Variants in SLIT3 observed in about 807,000 individuals in gnomAD.
The protein encoded by SLIT3 is slit homolog 3 protein.
SLIT3 carries 68 observed loss-of-function variants against 184.0 expected under a neutral mutation model. The observed-to-expected ratio is 0.37, with a 90% CI of 0.30 to 0.45. SLIT3 has a LOEUF of 0.45. SLIT3 is among the 20% of genes least tolerant of loss of function. The pLI, the probability that SLIT3 is intolerant of heterozygous loss-of-function variation, is 1.00. For missense variants in SLIT3, 1,707 were observed against 2,026.0 expected (o/e 0.84, Z 3.02); for synonymous variants, 831 against 828.6 (o/e 1.00, Z -0.05).
rs772426204 is a variant in SLIT3, at chr5:168,692,689, C to T, written c.3094G>A (p.Asp1032Asn). 14 of 1,613,728 alleles carry T rather than the reference C, an allele frequency of 8.7e-6. No homozygotes were observed. The highest frequency in any genetic ancestry group is 5.3e-5 in the African/African-American group (4 of 74,930). ...CPPNYTGELC[D>N]EVIDHCVPEL... ...GGCACACAGTGGTCAATCACCTCGT[C>T]GCATAGCTCACCTGGCACAGATGGG... The change falls in exon 29 of 36, where the codon GAC becomes AAC. Residue 1032 changes from aspartate to asparagine, a missense_variant. Coordinates refer to ENST00000519560, the MANE Select transcript of SLIT3 (RefSeq NM_003062.4).
chr5:169,294,448 G>T (rs888119027), intron 1 of SLIT3, among the ~76,000 whole-genome samples: 3 of 151,404 alleles, frequency 2.0e-5, no homozygotes, highest in Non-Finnish European at 4.4e-5. Context: ...TGTGGGGGCA[G>T]GACCAAGAGC....
chr5:168,848,557 A>G (rs1204159654), intron 5 of SLIT3, among the ~76,000 whole-genome samples: 1 of 152,156 alleles, frequency 6.6e-6, no homozygotes, highest in Non-Finnish European at 1.5e-5. Context: ...AGAAGCCCCA[A>G]AATGTTTCAT....
intron 4 of SLIT3, among the ~76,000 whole-genome samples, chr5:168,982,593 A>T (rs917517058): frequency 6.6e-6 from 1 of 152,206 alleles, no homozygotes; most frequent in African/African-American, 2.4e-5. Flanking sequence ...GTATTTTACA[A>T]ATGTATTAGT....
chr5:169,205,825 C>A (rs1764049526), intron 3 of SLIT3, among the ~76,000 whole-genome samples: 1 of 152,220 alleles, frequency 6.6e-6, no homozygotes, highest in Non-Finnish European at 1.5e-5. Context: ...GGTTACTGAA[C>A]AGTCACAATC....
At chr5:169,034,873 A>G (rs1757170979) in intron 4 of SLIT3, among the ~76,000 whole-genome samples, 1 of 149,628 alleles carries the variant, frequency 6.7e-6, no homozygotes, top group Non-Finnish European at 1.5e-5. Flanking sequence ...CAGCCCCTTA[A>G]GTAGCTGGGA....
rs533754507 is a variant in SLIT3 at position 169,188,307 on chromosome 5, A to G, written c.413+5172T>C. Among the ~76,000 whole-genome samples the G allele has an allele frequency of 6.6e-5, 10 of 152,272 alleles. No homozygotes were observed. The South Asian group carries it at 2.1e-3, about 32-fold the overall frequency. ...CTGCATCTTGCCTTCTGCTCCTTCT[A>G]AAGAATTTCCGGCAATATTAACCAG... On this transcript the variant is annotated intron_variant, in intron 4 of 35. Coordinates refer to ENST00000519560, the MANE Select transcript of SLIT3 (RefSeq NM_003062.4).
chr5:169,276,045 C>T lies in SLIT3; in HGVS notation c.197+24468G>A, dbSNP rs146985298. Among the ~76,000 whole-genome samples the T allele has an allele frequency of 2.8e-3, 429 of 152,098 alleles. 3 individuals carry two copies. The highest frequency in any genetic ancestry group is 9.8e-3 in the African/African-American group (405 of 41,490). Reference sequence around the variant, plus strand: ...GGTAGGATGGGTCGGGGGAGTGACGCGAAGTCTTGCCTCCTCAATCCAAAA... The same window carrying T: ...GGTAGGATGGGTCGGGGGAGTGACGTGAAGTCTTGCCTCCTCAATCCAAAA... On this transcript the variant is annotated intron_variant, in intron 1 of 35. Transcript: ENST00000519560.
chr5:169,044,162 C>A (rs1376915287), intron 4 of SLIT3, among the ~76,000 whole-genome samples: 4 of 152,154 alleles, frequency 2.6e-5, no homozygotes, highest in African/African-American at 9.7e-5. Flanking sequence ...GGATGTGGAC[C>A]AACTGAAACA....
At chr5:169,180,082 A>G (rs1763109794) in intron 4 of SLIT3, among the ~76,000 whole-genome samples, 1 of 152,182 alleles carries the variant, frequency 6.6e-6, no homozygotes, top group Non-Finnish European at 1.5e-5. Flanking sequence ...ACAGTGACCA[A>G]TGAGGAAGGG....
At chr5:168,821,207 G>A (rs550263791) in intron 7 of SLIT3, among the ~76,000 whole-genome samples, 1 of 152,306 alleles carries the variant, frequency 6.6e-6, no homozygotes, top group African/African-American at 2.4e-5. Context: ...CCCTACTGCA[G>A]CCCAAACAAA....
At chr5:168,763,186 G>A (rs1755220652) in intron 14 of SLIT3, among the ~76,000 whole-genome samples, 1 of 152,068 alleles carries the variant, frequency 6.6e-6, no homozygotes, top group Non-Finnish European at 1.5e-5. Flanking sequence ...GGAAGGGGTT[G>A]CAAACTTAGG....
At chr5:168,931,360 C>T (rs1243439934) in intron 4 of SLIT3, among the ~76,000 whole-genome samples, 3 of 152,180 alleles carry the variant, frequency 2.0e-5, no homozygotes, top group Admixed American at 6.5e-5. Flanking sequence ...AGTTGACTGA[C>T]TGATCTTTCT....
chr5:168,900,560 A>G (rs1303625566), intron 4 of SLIT3, among the ~76,000 whole-genome samples: 1 of 152,210 alleles, frequency 6.6e-6, no homozygotes, highest in Non-Finnish European at 1.5e-5. Context: ...GGTTGCAGTG[A>G]GCCTAGATTG....
chr5:168,806,682 C>T (rs1302897592), intron 8 of SLIT3, 95 bp from the exon 9 acceptor site: 1 of 1,403,672 alleles, frequency 7.1e-7, no homozygotes, highest in African/African-American at 1.4e-5. Flanking sequence ...CAAAGCATGA[C>T]CTGACAGCCA....
rs570742059 is a variant in SLIT3, at chr5:168,821,304, A to G, written c.629+1956T>C. ...TTATTGCTGCTTCTAAACTGAAAATAACAAAGAAGGGAAGGATAAATCACA... is the reference window on the plus strand; with the variant it reads ...TTATTGCTGCTTCTAAACTGAAAATGACAAAGAAGGGAAGGATAAATCACA... On this transcript the variant is annotated intron_variant, in intron 7 of 35. Coordinates refer to ENST00000519560, the MANE Select transcript of SLIT3 (RefSeq NM_003062.4). Among the ~76,000 whole-genome samples, 29 of 152,350 alleles carry G rather than the reference A, an allele frequency of 1.9e-4. No individual in the cohort carries two copies. In the South Asian group the frequency reaches 5.4e-3, roughly 28 times the overall value.
intron 16 of SLIT3, among the ~76,000 whole-genome samples, chr5:168,759,073 C>T (rs1230512106): frequency 6.6e-6 from 1 of 152,174 alleles, no homozygotes; most frequent in Non-Finnish European, 1.5e-5. Context: ...AGCCTCATGA[C>T]ATCTCATTGT....
At position 168,994,623 on chromosome 5, in the gene SLIT3, C is replaced by CTTTTTTTTTTTTTTTTTTTT. The variant is rs66498923; in HGVS notation, c.414-111307_414-111288dup. On this transcript the variant is annotated intron_variant, in intron 4 of 35. Coordinates refer to ENST00000519560, the MANE Select transcript of SLIT3 (RefSeq NM_003062.4). Reference sequence around the variant, plus strand: ...ACATGTACCAGTGTCTGGCATTCTACTTTTTTTTTTTTTTTTTTTTTTTTT... The same window carrying CTTTTTTTTTTTTTTTTTTTT: ...ACATGTACCAGTGTCTGGCATTCTACTTTTTTTTTTTTTTTTTTTTTTTTTTTTTTTTTTTTTTTTTTTTT... 1.9e-4 allele frequency among the ~76,000 whole-genome samples: 9 copies of CTTTTTTTTTTTTTTTTTTTT among 47,098 alleles called. 3 individuals carry two copies. Among genetic ancestry groups the CTTTTTTTTTTTTTTTTTTTT allele is most frequent in the East Asian group, 7.7e-4 (1 of 1,300 alleles). The allele number at this position is 47,098 out of a possible 152,430, so 30.9% of individuals were successfully genotyped here.
chr5:168,789,663 T>C (rs755081748), intron 10 of SLIT3, 32 bp from the exon 11 acceptor site: 1 of 1,573,680 alleles, frequency 6.4e-7, no homozygotes, highest in Non-Finnish European at 8.7e-7. Context: ...TCTGAGAACA[T>C]GGCTCAAAGG....
In SLIT3 at chr5:168,685,986, C is replaced by T. The variant is rs950206722; in HGVS notation, c.3315-59G>A. On this transcript the variant is annotated intron_variant, in intron 30 of 35. Transcript: ENST00000519560. ...GAGAATGGCCAAGAGGAGACAATCACAGTTACTCAGGCCAAAGAACCTCGA... is the reference window on the plus strand; with the variant it reads ...GAGAATGGCCAAGAGGAGACAATCATAGTTACTCAGGCCAAAGAACCTCGA... 2.3e-4 allele frequency: 347 copies of T among 1,526,488 alleles called. 1 individual carries two copies. Among genetic ancestry groups the T allele is most frequent in the Middle Eastern group, 3.5e-4 (2 of 5,642 alleles). 94.6% of individuals were successfully genotyped at this position (1,526,488 alleles called of 1,614,324 possible). A position where few individuals can be genotyped will look rare whatever the true frequency, so the allele number is the denominator to read the frequency against.
Sources: allele counts gnomAD v4.1 joint callset (sites outside exome capture counted in the v4.1 genomes callset), GRCh38; gene constraint gnomAD v4.1.1; transcripts MANE v1.5; gene names NCBI Gene and HGNC (gene_info 2026-07-23, HGNC 2026-07-21).